Variants in TTBK2 observed in about 807,000 individuals in gnomAD.
The protein encoded by TTBK2 is tau tubulin kinase 2, also known as tau-tubulin kinase 2.
TTBK2 carries 28 observed loss-of-function variants against 110.8 expected under a neutral mutation model. The observed-to-expected ratio is 0.25, with a 90% CI of 0.19 to 0.35. TTBK2 has a LOEUF of 0.35. Among genes scored for constraint, TTBK2 ranks in the 10% least tolerant of loss-of-function variants. TTBK2 has a pLI of 1.00. For missense variants in TTBK2, 1,369 were observed against 1,500.3 expected (o/e 0.91, Z 1.45); for synonymous variants, 532 against 527.3 (o/e 1.01, Z -0.12).
intron 9 of TTBK2, among the ~76,000 whole-genome samples, chr15:42,803,999 C>T (rs553544487): frequency 1.7e-3 from 175 of 102,808 alleles, no homozygotes; most frequent in African/African-American, 7.2e-3. Flanking sequence ...TGTACTCCAG[C>T]GAGGAGTGCA....
At chr15:42,832,161 A>T (rs1376715048) in intron 4 of TTBK2, among the ~76,000 whole-genome samples, 1 of 152,186 alleles carries the variant, frequency 6.6e-6, no homozygotes, top group East Asian at 1.9e-4. Flanking sequence ...GACAGTCTAC[A>T]GCAGTGAACT....
intron 13 of TTBK2, among the ~76,000 whole-genome samples, chr15:42,759,926 C>T (rs1202509542): frequency 1.3e-5 from 2 of 151,932 alleles, no homozygotes; most frequent in African/African-American, 2.4e-5. Flanking sequence ...AGGAATTATA[C>T]AAAATCCCAG....
At chr15:42,772,848 A>C (rs929150704) in intron 13 of TTBK2, among the ~76,000 whole-genome samples, 1 of 152,154 alleles carries the variant, frequency 6.6e-6, no homozygotes, top group African/African-American at 2.4e-5. Flanking sequence ...TGGGAGGCCA[A>C]TGTGGGAGGA....
intron 1 of TTBK2, among the ~76,000 whole-genome samples, chr15:42,903,031 TA>T (rs1371178262): frequency 6.6e-6 from 1 of 151,922 alleles, no homozygotes; most frequent in Non-Finnish European, 1.5e-5. Context: ...GAATTCTTTT[TA>T]ATTTTTTTTT....
At chr15:42,907,470 C>T (rs538846714) in intron 1 of TTBK2, among the ~76,000 whole-genome samples, 1 of 152,270 alleles carries the variant, frequency 6.6e-6, no homozygotes, top group African/African-American at 2.4e-5. Context: ...GTGGTATACA[C>T]TGTGTATACA....
At chr15:42,919,934 T>A (rs1775630770) in intron 1 of TTBK2, 3 of 456,098 alleles carry the variant, frequency 6.6e-6, no homozygotes, top group Admixed American at 6.4e-5. Context: ...GACGAGCAAA[T>A]CCCTCAGATC....
Position 42,783,145 on chromosome 15 carries a change from T to C in TTBK2, c.1197+274A>G, listed in dbSNP as rs531327590. On this transcript the variant is annotated intron_variant, in intron 11 of 14. Transcript: ENST00000267890. ...TTTGTGTCCCCCCAAAATTCACATG[T>C]TGAAATTCTAACTCCCAATGTGAGG... Among the ~76,000 whole-genome samples the C allele has an allele frequency of 1.3e-4, 20 of 152,318 alleles. 1 individual carries two copies. In the South Asian group the frequency reaches 2.9e-3, roughly 22 times the overall value.
chr15:42,813,637 G>A (rs767938989), intron 7 of TTBK2, among the ~76,000 whole-genome samples: 6 of 152,204 alleles, frequency 3.9e-5, no homozygotes, highest in African/African-American at 7.2e-5. Context: ...CTGAGCTCAG[G>A]AGTTCGAGAC....
intron 13 of TTBK2, among the ~76,000 whole-genome samples, chr15:42,764,595 GCAGC>G (rs1889266877): frequency 6.6e-6 from 1 of 152,280 alleles, no homozygotes; most frequent in African/African-American, 2.4e-5. Context: ...GGTAAATAAA[GCAGC>G]CAGGGAAGCT....
At chr15:42,800,106 A>T (rs1485314892) in intron 9 of TTBK2, among the ~76,000 whole-genome samples, 1 of 152,112 alleles carries the variant, frequency 6.6e-6, no homozygotes, top group Non-Finnish European at 1.5e-5. Context: ...CTCAAAATAA[A>T]TAAATAAATA....
intron 4 of TTBK2, among the ~76,000 whole-genome samples, chr15:42,838,022 G>A (rs1259934714): frequency 2.6e-5 from 4 of 151,500 alleles, no homozygotes; most frequent in Admixed American, 6.6e-5. Context: ...AGCCTGGCCA[G>A]CATGGTGAAA....
rs934539405 is a variant in TTBK2 at position 42,744,842 on chromosome 15, T to G, written c.*953A>C. 6.5e-6 allele frequency: 1 copy of G among 152,706 alleles called. No homozygotes were observed. The highest frequency in any genetic ancestry group is 6.5e-5 in the Admixed American group (1 of 15,282). The allele number at this position is 152,706 out of a possible 1,614,324, so 9.5% of individuals were successfully genotyped here. A position where few individuals can be genotyped will look rare whatever the true frequency, so the allele number is the denominator to read the frequency against. On this transcript the variant is annotated 3_prime_UTR_variant, in exon 15 of 15. Transcript: ENST00000267890. ...TGTGCTTCCCTCGTATCATCTTGGA[T>G]GCTGATATTACAAACAGTTGGAACC...
chr15:42,914,133 T>C (rs1444613300), intron 1 of TTBK2, among the ~76,000 whole-genome samples: 3 of 151,838 alleles, frequency 2.0e-5, no homozygotes, highest in Non-Finnish European at 2.9e-5. Context: ...CGTGCCACCA[T>C]ACCCGGCTAA....
intron 3 of TTBK2, 76 bp downstream of exon 3, chr15:42,872,535 T>G: frequency 6.5e-7 from 1 of 1,533,870 alleles, no homozygotes; most frequent in Non-Finnish European, 8.9e-7. Flanking sequence ...AAGAATGTAA[T>G]TAAGGTTCAG....
At chr15:42,862,843 G>A (rs983825866) in intron 3 of TTBK2, among the ~76,000 whole-genome samples, 18 of 152,018 alleles carry the variant, frequency 1.2e-4, no homozygotes, top group Admixed American at 7.2e-4. Context: ...ATCCGAGATC[G>A]CACCATTACA....
At chr15:42,806,587 AC>A (rs1452064554) in intron 9 of TTBK2, among the ~76,000 whole-genome samples, 2 of 152,056 alleles carry the variant, frequency 1.3e-5, no homozygotes, top group African/African-American at 4.8e-5. Context: ...GTCTGACCAT[AC>A]TTGTCTTCTT....
intron 1 of TTBK2, among the ~76,000 whole-genome samples, chr15:42,901,395 G>C (rs1053738654): frequency 6.6e-6 from 1 of 151,590 alleles, no homozygotes; most frequent in Non-Finnish European, 1.5e-5. Context: ...AAAACATAGG[G>C]GTAATGTATT....
At chr15:42,791,579 T>A (rs911054786) in intron 10 of TTBK2, among the ~76,000 whole-genome samples, 3 of 152,212 alleles carry the variant, frequency 2.0e-5, no homozygotes, top group African/African-American at 7.2e-5. Context: ...ATTCTTCAAT[T>A]ATGAGATAAT....
chr15:42,883,663 CAGAA>C (rs765247139), intron 1 of TTBK2, among the ~76,000 whole-genome samples: 6 of 151,542 alleles, frequency 4.0e-5, no homozygotes, highest in Non-Finnish European at 5.9e-5. Flanking sequence ...CAAAAGTAGA[CAGAA>C]AGAAACAGAA....
Sources: allele counts gnomAD v4.1 joint callset (sites outside exome capture counted in the v4.1 genomes callset), GRCh38; gene constraint gnomAD v4.1.1; transcripts MANE v1.5; gene names NCBI Gene and HGNC (gene_info 2026-07-23, HGNC 2026-07-21).